The following PHF14 variants were observed in gnomAD, a reference collection of about 807,000 sequenced individuals.
PHF14 encodes PHD finger protein 14.
In PHF14, 55 loss-of-function variants were observed where a neutral mutation model predicts 117.9. The observed-to-expected ratio is 0.47, with a 90% CI of 0.38 to 0.58. The LOEUF (loss-of-function observed/expected upper bound fraction) is 0.58. PHF14 is among the 20% of genes least tolerant of loss of function. PHF14 has a pLI of 0.00. For missense variants in PHF14, 978 were observed against 1,122.2 expected, an observed-to-expected ratio of 0.87 and a Z score of 1.84; for synonymous variants, 409 against 368.6, an observed-to-expected ratio of 1.11 and a Z score of -1.26.
At chr7:10,974,408 G>A in intron 1 of PHF14, 84 bp downstream of exon 1, 1 of 1,157,274 alleles carries the variant, frequency 8.6e-7, no homozygotes, top group African/African-American at 1.5e-5. Context: ...GGCAGGGGTG[G>A]GAGAGTCCTG....
In PHF14 at chr7:11,036,409, C is replaced by T. The variant is rs750360538; in HGVS notation, c.1603-9C>T. The T allele has an allele frequency of 1.3e-6, 2 of 1,586,554 alleles. No individual in the cohort carries two copies. Among genetic ancestry groups the T allele is most frequent in the East Asian group, 4.5e-5 (2 of 44,110 alleles). On this transcript the variant is annotated splice_polypyrimidine_tract_variant and intron_variant, in intron 8 of 17. Coordinates refer to ENST00000634607, the MANE Select transcript of PHF14 (RefSeq NM_001007157.2). ...TATCTTTTAAAATTTGAATACATTT[C>T]TTTTATAGGCAAGGATCAATGCCCG...
intron 16 of PHF14, chr7:11,104,490 A>G (rs1427618010): frequency 2.0e-6 from 2 of 981,262 alleles, no homozygotes; most frequent in African/African-American, 1.7e-5. Flanking sequence ...TTAAGAAAAT[A>G]TGTACTAAAT....
At chr7:11,113,854 C>T (rs1214355929) in intron 17 of PHF14, among the ~76,000 whole-genome samples, 1 of 152,086 alleles carries the variant, frequency 6.6e-6, no homozygotes, top group East Asian at 1.9e-4. Flanking sequence ...GTGAATGCTG[C>T]AGAAGCTTTT....
intron 4 of PHF14, among the ~76,000 whole-genome samples, chr7:10,997,635 G>C (rs1782707221): frequency 6.6e-6 from 1 of 152,206 alleles, no homozygotes; most frequent in Non-Finnish European, 1.5e-5. Context: ...TTAAGATTTG[G>C]CTGGACCTGG....
intron 14 of PHF14, among the ~76,000 whole-genome samples, chr7:11,052,362 A>AT (rs1784874795): frequency 6.6e-6 from 1 of 152,164 alleles, no homozygotes; most frequent in Admixed American, 6.5e-5. Context: ...GAAAGAATAG[A>AT]TTATTACCTA....
chr7:11,027,228 C>G (rs1288238809), intron 6 of PHF14, among the ~76,000 whole-genome samples: 1 of 152,088 alleles, frequency 6.6e-6, no homozygotes, highest in African/African-American at 2.4e-5. Flanking sequence ...TTCTCTTTAT[C>G]TCTCTTGCTC....
In PHF14 at chr7:10,983,072, G is replaced by C. The variant is rs775972209; in HGVS notation, c.813G>C (p.Lys271Asn). 4 of 1,599,056 alleles carry C rather than the reference G, an allele frequency of 2.5e-6. No homozygotes were observed. Among genetic ancestry groups the C allele is most frequent in the South Asian group, 2.2e-5 (2 of 90,726 alleles). Residue 271 changes from lysine (K) to asparagine (N), a missense_variant, in exon 3 of 18, where the codon AAG (lysine) becomes AAC (asparagine). By Grantham distance (94) the Lys-to-Asn change is moderately conservative (BLOSUM62 0). Coordinates refer to ENST00000634607, the MANE Select transcript of PHF14 (RefSeq NM_001007157.2). ...SPASEGGCKK[K>N]KSKVLSRNSA... The stretch of plus-strand genomic sequence containing the variant: ...CCAGTGAAGGGGGTTGCAAGAAGAA[G>C]AAGAGTAAAGTTCTTAGCAGAAACA...
rs115210491 is a variant in PHF14, at chr7:10,987,136, C to G, written c.901-3567C>G. On this transcript the variant is annotated intron_variant, in intron 3 of 17. Transcript: ENST00000634607. The stretch of plus-strand genomic sequence containing the variant: ...GACTTCTAACTTATTAATCAGTTGT[C>G]TTTTTACACATTGCAAAATGAAACA... 4.1e-3 allele frequency among the ~76,000 whole-genome samples: 628 copies of G among 152,148 alleles called. 5 individuals are homozygous for G. The highest frequency in any genetic ancestry group is 0.015 in the African/African-American group (605 of 41,514).
intron 17 of PHF14, among the ~76,000 whole-genome samples, chr7:11,112,918 A>G (rs1258090954): frequency 6.6e-6 from 1 of 152,122 alleles, no homozygotes; most frequent in Admixed American, 6.6e-5. Flanking sequence ...TAAGGCCTAG[A>G]TTTAAGAGAG....
chr7:10,994,524 A>G (rs1203039038), intron 4 of PHF14, among the ~76,000 whole-genome samples: 3 of 152,194 alleles, frequency 2.0e-5, no homozygotes, highest in African/African-American at 4.8e-5. Flanking sequence ...TGGGTGAGCA[A>G]GCTGGTTAGT....
chr7:11,120,437 G>A (rs1787716906), intron 17 of PHF14, among the ~76,000 whole-genome samples: 1 of 151,942 alleles, frequency 6.6e-6, no homozygotes, highest in Non-Finnish European at 1.5e-5. Flanking sequence ...GTAATTTTCT[G>A]TTTCATTTTC....
intron 14 of PHF14, among the ~76,000 whole-genome samples, chr7:11,053,522 G>T (rs921484140): frequency 1.3e-5 from 2 of 151,924 alleles, no homozygotes; most frequent in Non-Finnish European, 2.9e-5. Flanking sequence ...TTTGAAAATG[G>T]TAACTAGTTA....
At chr7:11,070,237 C>T (rs988847584) in intron 16 of PHF14, among the ~76,000 whole-genome samples, 1 of 152,080 alleles carries the variant, frequency 6.6e-6, no homozygotes, top group African/African-American at 2.4e-5. Flanking sequence ...GCCACCATGC[C>T]CAGCTGATTT....
intron 17 of PHF14, among the ~76,000 whole-genome samples, chr7:11,112,356 T>C (rs1344128559): frequency 1.5e-4 from 23 of 152,198 alleles, no homozygotes. Flanking sequence ...TATCATTAAC[T>C]AAAATGATTT....
Position 11,061,795 on chromosome 7 carries a change from C to G in PHF14, c.2486C>G (p.Thr829Ser). The G allele has an allele frequency of 6.7e-7, 1 of 1,495,774 alleles. No individual in the cohort carries two copies. Among genetic ancestry groups the G allele is most frequent in the East Asian group, 2.5e-5 (1 of 39,614 alleles). The allele number at this position is 1,495,774 out of a possible 1,614,324, so 92.7% of individuals were successfully genotyped here. A position where few individuals can be genotyped will look rare whatever the true frequency, so the allele number is the denominator to read the frequency against. ...PKKIPIRNTR[T>S]RGRKRSFVPE... ...TTTTTTTTTGTTTTTTTCCAGAGAA[C>G]CAGAGGACGAAAACGAAGCTTCGTT... Residue 829 changes from threonine (T) to serine (S), a missense_variant, in exon 15 of 18, where the codon ACC (threonine) becomes AGC (serine). This residue lies in a region of PHF14 where 180 missense variants were observed against 195.4 expected (regional missense o/e 0.92). Transcript: ENST00000634607.
chr7:10,982,754 T>C lies in PHF14; in HGVS notation c.495T>C (p.Ser165=), dbSNP rs1351731710. 2 of 1,613,818 alleles carry C rather than the reference T, an allele frequency of 1.2e-6. No individual in the cohort carries two copies. The highest frequency in any genetic ancestry group is 1.7e-6 in the Non-Finnish European group (2 of 1,179,882). ...TSPPAVNTSP[S]VPTTTTATEE... ...CTCCTGCTGTTAACACATCCCCTTC[T>C]GTTCCCACTACGACAACCGCTACAG... is the stretch of plus-strand genomic sequence containing the variant. The change falls in exon 3 of 18, where the codon TCT becomes TCC. Residue 165 remains serine, a synonymous_variant. Transcript: ENST00000634607.
chr7:11,061,000 C>T (rs1462676068), intron 14 of PHF14, among the ~76,000 whole-genome samples: 1 of 152,052 alleles, frequency 6.6e-6, no homozygotes, highest in Non-Finnish European at 1.5e-5. Flanking sequence ...CCTACTCTAG[C>T]TTGGGAATGT....
At chr7:10,995,620 C>T (rs1312810443) in intron 4 of PHF14, among the ~76,000 whole-genome samples, 4 of 152,224 alleles carry the variant, frequency 2.6e-5, no homozygotes, top group South Asian at 2.1e-4. Flanking sequence ...ATAAGGGAGG[C>T]TCAGGCCACG....
chr7:11,145,071 G>GTATACTTAAAA (rs1348357263), intron 17 of PHF14, among the ~76,000 whole-genome samples: 1 of 151,810 alleles, frequency 6.6e-6, no homozygotes, highest in Non-Finnish European at 1.5e-5. Context: ...CCTCTGAACT[G>GTATACTTAAAA]TATACTTAAA....
Sources: allele counts gnomAD v4.1 joint callset (sites outside exome capture counted in the v4.1 genomes callset), GRCh38; gene constraint gnomAD v4.1.1; regional missense constraint gnomAD v4.1.1; transcripts MANE v1.5; gene names NCBI Gene and HGNC (gene_info 2026-07-23, HGNC 2026-07-21).